The following TENM2 variants were observed in gnomAD, a reference collection of about 807,000 sequenced individuals.
TENM2 encodes teneurin transmembrane protein 2.
In TENM2, 52 loss-of-function variants were observed where a neutral mutation model predicts 245.2. The ratio of observed to expected loss-of-function variants is 0.21; its 90% confidence interval spans 0.17 to 0.27. The LOEUF (loss-of-function observed/expected upper bound fraction) is 0.27, where lower values mean the gene tolerates loss of function less well. TENM2 is among the 10% of genes least tolerant of loss of function. The probability of loss-of-function intolerance (pLI) is 1.00; values close to 1 mark genes in which losing one functional copy is unlikely to be tolerated. For synonymous variants in TENM2, 1,363 were observed against 1,438.9 expected, an observed-to-expected ratio of 0.95 and a Z score of 1.19; for missense variants, 3,046 against 3,666.8, an observed-to-expected ratio of 0.83 and a Z score of 4.37.
At chr5:167,594,282 A>G (rs1776058884) in intron 2 of TENM2, among the ~76,000 whole-genome samples, 3 of 152,212 alleles carry the variant, frequency 2.0e-5, no homozygotes, top group Non-Finnish European at 4.4e-5. Flanking sequence ...CCATTGATAG[A>G]TAACATCAGA....
At chr5:167,934,665 G>A (rs73372747) in intron 3 of TENM2, among the ~76,000 whole-genome samples, 2,849 of 152,316 alleles carry the variant, frequency 0.019, 97 homozygotes, top group African/African-American at 0.065. Flanking sequence ...AACCAGACTG[G>A]CAGTGTGATC....
chr5:167,691,529 T>C (rs912274139), intron 2 of TENM2, among the ~76,000 whole-genome samples: 1 of 152,168 alleles, frequency 6.6e-6, no homozygotes, highest in African/African-American at 2.4e-5. Flanking sequence ...CAAATGAAGA[T>C]GGAGTTTTCC....
chr5:167,114,112 G>C, the TENM2 span, among the ~76,000 whole-genome samples: 1 of 152,130 alleles, frequency 6.6e-6, no homozygotes, highest in Admixed American at 6.5e-5. Flanking sequence ...CCACCAAAAA[G>C]AGCCACATCG....
chr5:167,871,942 T>G (rs1332569623), intron 2 of TENM2, among the ~76,000 whole-genome samples: 1 of 152,094 alleles, frequency 6.6e-6, no homozygotes, highest in Non-Finnish European at 1.5e-5. Context: ...GTTGGAATAG[T>G]CAGGGGGGAA....
At chr5:167,269,719 C>CTCA in the TENM2 span, among the ~76,000 whole-genome samples, 1 of 152,218 alleles carries the variant, frequency 6.6e-6, no homozygotes, top group East Asian at 1.9e-4. Context: ...CTCATTCACT[C>CTCA]TCTTCTTCTC....
At chr5:167,630,890 A>G (rs1778822352) in intron 2 of TENM2, among the ~76,000 whole-genome samples, 1 of 152,158 alleles carries the variant, frequency 6.6e-6, no homozygotes, top group Non-Finnish European at 1.5e-5. Context: ...TATACAGAAG[A>G]TTGATTTATT....
intron 3 of TENM2, among the ~76,000 whole-genome samples, chr5:167,921,910 T>C (rs1302405880): frequency 6.6e-6 from 1 of 152,138 alleles, no homozygotes; most frequent in African/African-American, 2.4e-5. Context: ...TTATAGAACT[T>C]TCTCTGGCTA....
chr5:167,362,954 C>T (rs775706367), intron 1 of TENM2, among the ~76,000 whole-genome samples: 8 of 152,022 alleles, frequency 5.3e-5, no homozygotes, highest in Admixed American at 2.6e-4. Flanking sequence ...CACCTACACA[C>T]GTATTTATTG....
intron 2 of TENM2, among the ~76,000 whole-genome samples, chr5:167,817,319 A>G (rs1247590730): frequency 6.6e-6 from 1 of 152,200 alleles, no homozygotes; most frequent in Non-Finnish European, 1.5e-5. Context: ...TAGTACTTCA[A>G]ATAACTGCAT....
At chr5:167,960,465 C>G (rs902813203) in intron 4 of TENM2, among the ~76,000 whole-genome samples, 1 of 152,184 alleles carries the variant, frequency 6.6e-6, no homozygotes, top group Admixed American at 6.5e-5. Flanking sequence ...TCTGCCCAGT[C>G]TGAACTTCCC....
chr5:167,927,628 C>A (rs1319147844), intron 3 of TENM2, among the ~76,000 whole-genome samples: 1 of 152,080 alleles, frequency 6.6e-6, no homozygotes, highest in African/African-American at 2.4e-5. Context: ...GGTTTGCATT[C>A]GAAGAAAGCA....
At chr5:167,086,599 G>A in the TENM2 span, among the ~76,000 whole-genome samples, 4 of 152,144 alleles carry the variant, frequency 2.6e-5, no homozygotes, top group Admixed American at 6.5e-5. Flanking sequence ...TTTTTTAAAC[G>A]TAATTGGGAA....
intron 1 of TENM2, among the ~76,000 whole-genome samples, chr5:167,366,128 C>A (rs752115589): frequency 6.6e-6 from 1 of 150,982 alleles, no homozygotes. Flanking sequence ...TTGGTGAAAC[C>A]AATTCAGTTA....
chr5:167,021,263 GA>G, the TENM2 span, among the ~76,000 whole-genome samples: 4 of 152,020 alleles, frequency 2.6e-5, no homozygotes, highest in East Asian at 1.9e-4. Flanking sequence ...AAGTAAGTAA[GA>G]AAAAAAATGA....
chr5:167,559,958 T>C (rs1317424765), intron 2 of TENM2, among the ~76,000 whole-genome samples: 9 of 152,170 alleles, frequency 5.9e-5, no homozygotes, highest in Admixed American at 4.6e-4. Flanking sequence ...AGGGTGGCTC[T>C]CACGACCAAG....
At chr5:168,027,592 C>A (rs1786740034) in intron 5 of TENM2, among the ~76,000 whole-genome samples, 2 of 152,088 alleles carry the variant, frequency 1.3e-5, no homozygotes, top group African/African-American at 2.4e-5. Flanking sequence ...GCTCAGGGTT[C>A]TTTTATGGAT....
chr5:168,231,913 T>C (rs963620656), intron 25 of TENM2, among the ~76,000 whole-genome samples: 2 of 151,312 alleles, frequency 1.3e-5, no homozygotes, highest in Non-Finnish European at 2.9e-5. Context: ...CTGGGCAACA[T>C]AGGGAGACCC....
At chr5:167,245,900 T>G in the TENM2 span, among the ~76,000 whole-genome samples, 1 of 152,164 alleles carries the variant, frequency 6.6e-6, no homozygotes, top group Non-Finnish European at 1.5e-5. Context: ...CCTAATATTC[T>G]TTGTCAGCCC....
chr5:167,200,455 CAG>C, the TENM2 span, among the ~76,000 whole-genome samples: 3 of 151,978 alleles, frequency 2.0e-5, no homozygotes, highest in Admixed American at 2.0e-4. Context: ...CATCTATGCA[CAG>C]AAGTCCAAGA....
Sources: allele counts gnomAD v4.1 joint callset (sites outside exome capture counted in the v4.1 genomes callset), GRCh38; gene constraint gnomAD v4.1.1; transcripts MANE v1.5; gene names NCBI Gene and HGNC (gene_info 2026-07-23, HGNC 2026-07-21).